PDE10A: variants seen among roughly 807,000 people sequenced by gnomAD.
PDE10A encodes cAMP and cAMP-inhibited cGMP 3',5'-cyclic phosphodiesterase 10A.
Under a neutral mutation model 97.7 loss-of-function variants are expected in PDE10A, and 39 were observed. The ratio of observed to expected loss-of-function variants is 0.40; its 90% CI spans 0.31 to 0.52. The LOEUF (loss-of-function observed/expected upper bound fraction) is 0.52, where lower values mean the gene tolerates loss of function less well. PDE10A is among the 20% of genes least tolerant of loss of function. PDE10A has a pLI of 0.56. For missense variants in PDE10A, 731 were observed against 1,047.8 expected, an observed-to-expected ratio of 0.70 and a Z score of 4.17; for synonymous variants, 371 against 376.8, an observed-to-expected ratio of 0.98 and a Z score of 0.18.
At chr6:165,921,978 G>A (rs1001346523) in intron 1 of PDE10A, among the ~76,000 whole-genome samples, 4 of 152,156 alleles carry the variant, frequency 2.6e-5, no homozygotes, top group Non-Finnish European at 4.4e-5. Context: ...GAAGCAAGCC[G>A]GGTGCATGAG....
At chr6:165,921,438 A>T (rs1782750019) in intron 1 of PDE10A, among the ~76,000 whole-genome samples, 2 of 152,346 alleles carry the variant, frequency 1.3e-5, no homozygotes, top group South Asian at 4.1e-4. Context: ...GCTGAGAGTA[A>T]AGCCAGATAA....
chr6:165,717,474 C>T (rs1026529739), intron 1 of PDE10A, among the ~76,000 whole-genome samples: 5 of 152,044 alleles, frequency 3.3e-5, no homozygotes, highest in African/African-American at 4.8e-5. Context: ...ATCCAAGCTA[C>T]TCGGGAAGCG....
rs570605905 is a variant in PDE10A, at chr6:165,805,892, G to A, written c.-615+181637C>T. On this transcript the variant is annotated intron_variant, in intron 1 of 19. Transcript: ENST00000366882. ...GGGAACCCCACAGAGTGCACACGACGCCATCTCCCCGAGCCAGTTCCAACC... is the reference window on the plus strand; with the variant it reads ...GGGAACCCCACAGAGTGCACACGACACCATCTCCCCGAGCCAGTTCCAACC... Among the ~76,000 whole-genome samples the A allele has an allele frequency of 4.6e-5, 7 of 152,054 alleles. No homozygotes were observed. In the East Asian group the frequency reaches 1.2e-3, roughly 25 times the overall value.
At chr6:165,652,799 C>A (rs1789748603) in intron 1 of PDE10A, among the ~76,000 whole-genome samples, 2 of 152,218 alleles carry the variant, frequency 1.3e-5, no homozygotes, top group Admixed American at 6.5e-5. Flanking sequence ...AACACGTCAG[C>A]CCTTCATAAG....
At chr6:165,952,038 C>T (rs1162838351) in intron 1 of PDE10A, among the ~76,000 whole-genome samples, 2 of 152,202 alleles carry the variant, frequency 1.3e-5, no homozygotes, top group Non-Finnish European at 2.9e-5. Context: ...CAATAGCCTC[C>T]TGAAATAGGT....
intron 1 of PDE10A, among the ~76,000 whole-genome samples, chr6:165,733,057 C>A (rs779017350): frequency 3.3e-5 from 5 of 152,296 alleles, no homozygotes; most frequent in Admixed American, 1.3e-4. Context: ...TCATTGCCAG[C>A]GGAGCCTGCA....
chr6:165,904,537 T>G (rs1782211408), intron 1 of PDE10A, among the ~76,000 whole-genome samples: 1 of 152,220 alleles, frequency 6.6e-6, no homozygotes, highest in South Asian at 2.1e-4. Flanking sequence ...TCAATATTTT[T>G]TCTCTCTTTA....
At chr6:165,702,677 A>G (rs151204316) in intron 1 of PDE10A, among the ~76,000 whole-genome samples, 83 of 152,332 alleles carry the variant, frequency 5.4e-4, no homozygotes, top group Admixed American at 2.1e-3. Flanking sequence ...AGGGAGGAGC[A>G]GAAAAAGACA....
intron 1 of PDE10A, among the ~76,000 whole-genome samples, chr6:165,737,999 T>TTTTATTTTA (rs150754495): frequency 7.4e-6 from 1 of 134,510 alleles, no homozygotes; most frequent in Non-Finnish European, 1.8e-5. Flanking sequence ...CCACTTCTTT[T>TTTTATTTTA]TTTTATTTTA....
intron 1 of PDE10A, among the ~76,000 whole-genome samples, chr6:165,726,489 T>C (rs1157894222): frequency 2.0e-5 from 3 of 152,152 alleles, no homozygotes; most frequent in African/African-American, 7.2e-5. Context: ...TCAAGCTGTG[T>C]CAGCAAAACC....
chr6:165,397,842 G>A (rs1252263895), intron 13 of PDE10A, among the ~76,000 whole-genome samples: 1 of 151,656 alleles, frequency 6.6e-6, no homozygotes, highest in African/African-American at 2.4e-5. Context: ...TAAAATGTTT[G>A]ATTGTGAAAA....
Position 165,662,472 on chromosome 6 carries a change from A to G in PDE10A, c.340T>C (p.Ser114Pro), listed in dbSNP as rs1181996690. 1.4e-5 allele frequency: 2 copies of G among 143,822 alleles called. No homozygotes were observed. Among genetic ancestry groups the G allele is most frequent in the African/African-American group, 5.1e-5 (2 of 38,860 alleles). 8.9% of individuals were successfully genotyped at this position (143,822 alleles called of 1,614,324 possible). Reference sequence around the variant, plus strand: ...GGCGGCGGCCAGAAGTAAAAGAAAGATGGAGAGGAGGAGGGGACCCGGGAC... The same window carrying G: ...GGCGGCGGCCAGAAGTAAAAGAAAGGTGGAGAGGAGGAGGGGACCCGGGAC... ...FSSRVPSSSPSFFYFWPPPPP... is the reference protein window; with the variant it reads ...FSSRVPSSSPPFFYFWPPPPP... The change falls in exon 1 of 22, where the codon TCT becomes CCT. Residue 114 changes from serine (S) to proline (P), a missense_variant. Ser to Pro is a moderately conservative substitution (Grantham distance 74, BLOSUM62 -1). Coordinates refer to ENST00000539869, the MANE Select transcript of PDE10A (RefSeq NM_001385079.1).
rs75180455 is a variant in PDE10A at position 165,416,140 on chromosome 6, G to C, written c.1889+49C>G. 3.9e-3 allele frequency: 4,552 copies of C among 1,175,560 alleles called. 102 individuals are homozygous for C. The African/African-American group carries it at 0.054, about 14-fold the overall frequency. 72.8% of individuals were successfully genotyped at this position (1,175,560 alleles called of 1,614,324 possible). On this transcript the variant is annotated intron_variant, in intron 12 of 21. Coordinates refer to ENST00000539869, the MANE Select transcript of PDE10A (RefSeq NM_001385079.1). ...CCACGGAAGAGGTTTCAGCTGAGTG[G>C]GACATCACAGAAGAAATCAATGGAG...
intron 1 of PDE10A, among the ~76,000 whole-genome samples, chr6:165,757,070 C>T (rs896863860): frequency 6.6e-5 from 10 of 151,780 alleles, no homozygotes; most frequent in Admixed American, 2.6e-4. Flanking sequence ...TGGGTTCAAG[C>T]GATTCTTCTG....
At chr6:165,499,572 T>C (rs1182066434) in intron 2 of PDE10A, among the ~76,000 whole-genome samples, 1 of 152,236 alleles carries the variant, frequency 6.6e-6, no homozygotes, top group African/African-American at 2.4e-5. Flanking sequence ...ACTTTTTACC[T>C]ATTTTAAAAC....
intron 1 of PDE10A, among the ~76,000 whole-genome samples, chr6:165,771,196 G>A (rs1021296182): frequency 2.0e-5 from 3 of 152,214 alleles, no homozygotes; most frequent in African/African-American, 4.8e-5. Context: ...AGAGCCTACC[G>A]TGGGCGCTAT....
At chr6:165,980,120 A>G (rs942519672) in intron 1 of PDE10A, among the ~76,000 whole-genome samples, 1 of 152,246 alleles carries the variant, frequency 6.6e-6, no homozygotes, top group Admixed American at 6.5e-5. Flanking sequence ...TAATCACCCT[A>G]CAGCTGGGAC....
At chr6:165,367,619 C>A (rs73243923) in intron 18 of PDE10A, among the ~76,000 whole-genome samples, 2 of 150,320 alleles carry the variant, frequency 1.3e-5, no homozygotes, top group African/African-American at 2.5e-5. Flanking sequence ...TCACAGTATA[C>A]TGAGGAGAAC....
At chr6:165,826,484 CGTCCCTCTGTCCCTGT>C (rs1427180807) in intron 1 of PDE10A, among the ~76,000 whole-genome samples, 1 of 150,252 alleles carries the variant, frequency 6.7e-6, no homozygotes, top group Non-Finnish European at 1.5e-5. Context: ...CCTGTCCCCA[CGTCCCTCTGTCCCTGT>C]GTCCCTCTGT....
Sources: gnomAD v4.1 joint callset for allele counts (sites outside exome capture counted in the v4.1 genomes callset) on GRCh38, gnomAD v4.1.1 for gene constraint, MANE v1.5 for transcripts, NCBI Gene and HGNC (gene_info 2026-07-23, HGNC 2026-07-21) for gene names.